Variants in PRDM2 observed in about 807,000 individuals in gnomAD.
PRDM2 encodes PR/SET domain 2, also known as PR domain zinc finger protein 2.
In PRDM2, 30 loss-of-function variants were observed where a neutral mutation model predicts 130.0. The ratio of observed to expected loss-of-function variants is 0.23; its 90% CI spans 0.17 to 0.31. The LOEUF is 0.31. Ranked by LOEUF, PRDM2 falls within the 10% of genes least tolerant of loss-of-function variation. The pLI is 1.00. For synonymous variants in PRDM2, 871 were observed against 782.4 expected, an observed-to-expected ratio of 1.11 and a Z score of -1.89; for missense variants, 2,011 against 2,108.4, an observed-to-expected ratio of 0.95 and a Z score of 0.90.
chr1:13,729,852 A>G (rs1420221977), intron 2 of PRDM2, among the ~76,000 whole-genome samples: 2 of 152,184 alleles, frequency 1.3e-5, no homozygotes. Context: ...CAGAGAGTAG[A>G]TGACCATGTT....
intron 8 of PRDM2, among the ~76,000 whole-genome samples, chr1:13,788,326 C>T (rs978510498): frequency 1.4e-4 from 22 of 152,150 alleles, no homozygotes; most frequent in South Asian, 2.1e-4. Context: ...TGAACTCACT[C>T]GGGTAAGAGT....
chr1:13,755,313 C>CA (rs1294471501), intron 6 of PRDM2, among the ~76,000 whole-genome samples: 2 of 152,046 alleles, frequency 1.3e-5, no homozygotes, highest in Non-Finnish European at 2.9e-5. Flanking sequence ...GGTGGATTTG[C>CA]AAAAATCCTA....
At chr1:13,750,776 G>GTTT (rs560324358) in intron 6 of PRDM2, among the ~76,000 whole-genome samples, 5 of 142,762 alleles carry the variant, frequency 3.5e-5, no homozygotes, top group African/African-American at 1.0e-4. Flanking sequence ...AAAATTCCCA[G>GTTT]TTTTTTTTTT....
At chr1:13,792,978 T>C (rs1281640175) in intron 8 of PRDM2, among the ~76,000 whole-genome samples, 1 of 152,244 alleles carries the variant, frequency 6.6e-6, no homozygotes, top group Non-Finnish European at 1.5e-5. Flanking sequence ...AACTACAATT[T>C]GAAACCACCT....
At chr1:13,769,486 C>T (rs976343389) in intron 6 of PRDM2, among the ~76,000 whole-genome samples, 9 of 152,152 alleles carry the variant, frequency 5.9e-5, no homozygotes, top group African/African-American at 9.7e-5. Context: ...TCCCCTCTGG[C>T]GCTGGCCTTC....
At position 13,780,038 on chromosome 1, in the gene PRDM2, C is replaced by T; in HGVS notation, c.2243C>T (p.Pro748Leu). 1 of 1,614,182 alleles carries T rather than the reference C, an allele frequency of 6.2e-7. No individual in the cohort carries two copies. The highest frequency in any genetic ancestry group is 8.5e-7 in the Non-Finnish European group (1 of 1,180,038). Residue 748 changes from proline to leucine, a missense_variant, in exon 8 of 10, where the codon CCT becomes CTT. By Grantham distance (98) the Pro-to-Leu change is moderately conservative. Transcript: ENST00000311066. ...CCTCCCAGTTCTCCACAGCACAGTCCTGCCCTTCGAGACTTTGGAAAGCCA... is the reference window on the plus strand; with the variant it reads ...CCTCCCAGTTCTCCACAGCACAGTCTTGCCCTTCGAGACTTTGGAAAGCCA... ...SSPPSSPQHSPALRDFGKPSD... is the reference protein window; with the variant it reads ...SSPPSSPQHSLALRDFGKPSD...
At chr1:13,807,065 T>C (rs576235230) in intron 8 of PRDM2, among the ~76,000 whole-genome samples, 1 of 152,198 alleles carries the variant, frequency 6.6e-6, no homozygotes. Flanking sequence ...TATATTTCAG[T>C]GTGTCTGGAT....
intron 8 of PRDM2, among the ~76,000 whole-genome samples, chr1:13,786,192 T>C (rs1644735168): frequency 6.6e-6 from 1 of 151,994 alleles, no homozygotes; most frequent in Admixed American, 6.6e-5. Context: ...TCAAACCGAG[T>C]TCCCATCGCA....
At chr1:13,800,753 C>G (rs1644994115) in intron 8 of PRDM2, among the ~76,000 whole-genome samples, 1 of 152,144 alleles carries the variant, frequency 6.6e-6, no homozygotes, top group South Asian at 2.1e-4. Flanking sequence ...TGACTCCCTG[C>G]TTTGAGTGAC....
intron 2 of PRDM2, chr1:13,722,755 C>G (rs866911732): frequency 6.9e-5 from 33 of 475,768 alleles, no homozygotes; most frequent in Admixed American, 3.3e-4. Context: ...CCTCAGGTGA[C>G]TTATTTTCTT....
chr1:13,822,294 A>G (rs887479795), intron 9 of PRDM2, among the ~76,000 whole-genome samples: 3 of 152,178 alleles, frequency 2.0e-5, no homozygotes, highest in Non-Finnish European at 4.4e-5. Context: ...CTAGACACAT[A>G]TGAGAATGTT....
intron 8 of PRDM2, among the ~76,000 whole-genome samples, chr1:13,805,007 C>G (rs1645066140): frequency 6.6e-6 from 1 of 152,146 alleles, no homozygotes; most frequent in African/African-American, 2.4e-5. Flanking sequence ...GGATTCAAAT[C>G]TTGGCTGCTT....
chr1:13,707,264 G>C (rs1263349871), intron 1 of PRDM2, among the ~76,000 whole-genome samples: 2 of 152,180 alleles, frequency 1.3e-5, no homozygotes, highest in Admixed American at 6.5e-5. Flanking sequence ...TACCCTGCCC[G>C]TGCTGCTGTA....
At chr1:13,812,338 G>C (rs1041626943) in intron 8 of PRDM2, among the ~76,000 whole-genome samples, 1 of 149,074 alleles carries the variant, frequency 6.7e-6, no homozygotes, top group African/African-American at 2.5e-5. Context: ...ACAGCGGGGG[G>C]TCTCACAGGC....
At chr1:13,716,942 T>A (rs920063914) in intron 2 of PRDM2, among the ~76,000 whole-genome samples, 3 of 151,854 alleles carry the variant, frequency 2.0e-5, no homozygotes, top group Admixed American at 6.6e-5. Flanking sequence ...TTAGACACCT[T>A]TTTTTTCATG....
At chr1:13,744,099 G>A (rs988433928) in intron 5 of PRDM2, among the ~76,000 whole-genome samples, 2 of 152,198 alleles carry the variant, frequency 1.3e-5, no homozygotes, top group African/African-American at 4.8e-5. Context: ...AGGCATGCAA[G>A]CTCATGTAGA....
intron 6 of PRDM2, 58 bp downstream of exon 6, chr1:13,749,545 C>T (rs1387664444): frequency 3.6e-6 from 4 of 1,103,946 alleles, no homozygotes; most frequent in Admixed American, 1.1e-4. Context: ...CAGGACGCCG[C>T]CCTGCCGCCC....
intron 1 of PRDM2, among the ~76,000 whole-genome samples, chr1:13,702,082 C>G (rs1642088594): frequency 6.6e-6 from 1 of 152,188 alleles, no homozygotes; most frequent in African/African-American, 2.4e-5. Context: ...TAACCTTCCC[C>G]TCTTCAGATA....
chr1:13,715,861 T>A (rs1041629907), intron 2 of PRDM2, among the ~76,000 whole-genome samples: 1 of 152,226 alleles, frequency 6.6e-6, no homozygotes, highest in Non-Finnish European at 1.5e-5. Context: ...GGATTTTCAT[T>A]AAGACTTTCT....
Sources: allele counts gnomAD v4.1 joint callset (sites outside exome capture counted in the v4.1 genomes callset), GRCh38; gene constraint gnomAD v4.1.1; transcripts MANE v1.5; gene names NCBI Gene and HGNC (gene_info 2026-07-23, HGNC 2026-07-21).